The following ABHD12 variants were observed in gnomAD, a reference collection of about 807,000 sequenced individuals.
ABHD12 encodes abhydrolase domain containing 12, lysophospholipase.
In ABHD12, 43 loss-of-function variants were observed where a neutral mutation model predicts 58.3. The observed-to-expected ratio is 0.74, with a 90% CI of 0.58 to 0.95. The LOEUF (loss-of-function observed/expected upper bound fraction) is 0.95. Ranked by LOEUF, ABHD12 falls within the 40% of genes least tolerant of loss-of-function variation. The pLI is 0.00. For synonymous variants in ABHD12, 219 were observed against 211.2 expected, an observed-to-expected ratio of 1.04 and a Z score of -0.32; for missense variants, 539 against 537.2, an observed-to-expected ratio of 1.00 and a Z score of -0.03.
intron 6 of ABHD12, among the ~76,000 whole-genome samples, chr20:25,312,400 T>C (rs1280305051): frequency 6.6e-6 from 1 of 152,180 alleles, no homozygotes; most frequent in Non-Finnish European, 1.5e-5. Context: ...AGGCTGGTCT[T>C]CAGCTCCTAA....
chr20:25,309,966 A>G (rs2088818190), intron 6 of ABHD12, among the ~76,000 whole-genome samples: 1 of 152,222 alleles, frequency 6.6e-6, no homozygotes, highest in African/African-American at 2.4e-5. Flanking sequence ...CAGGGCTGGG[A>G]CTTGCCCCAC....
Position 25,390,805 on chromosome 20 carries a change from C to A in ABHD12, c.-102G>T. On this transcript the variant is annotated 5_prime_UTR_variant, in exon 1 of 13. Coordinates refer to ENST00000339157, the MANE Select transcript of ABHD12 (RefSeq NM_001042472.3). ...CCCAGAGCCCGGAGCCCGGAACCCG[C>A]CGCTCCTCACATCCCAGCCCAGGCC... 2.6e-6 allele frequency: 2 copies of A among 762,080 alleles called. No individual in the cohort carries two copies. The highest frequency in any genetic ancestry group is 3.5e-6 in the Non-Finnish European group (2 of 575,460). The allele number at this position is 762,080 out of a possible 1,614,324, so 47.2% of individuals were successfully genotyped here. A position where few individuals can be genotyped will look rare whatever the true frequency, so the allele number is the denominator to read the frequency against.
intron 6 of ABHD12, among the ~76,000 whole-genome samples, chr20:25,310,749 A>G (rs6115142): frequency 0.094 from 14,267 of 152,186 alleles, 727 homozygotes; most frequent in Non-Finnish European, 0.11. Context: ...GGACAGACAG[A>G]CAGGCACAGA....
At chr20:25,334,158 CCAA>C (rs1413933694) in intron 2 of ABHD12, among the ~76,000 whole-genome samples, 1 of 151,086 alleles carries the variant, frequency 6.6e-6, no homozygotes, top group African/African-American at 2.4e-5. Flanking sequence ...TTCTTATACA[CCAA>C]CAACAGACAG....
At chr20:25,331,531 A>C (rs2089276063) in intron 2 of ABHD12, among the ~76,000 whole-genome samples, 1 of 152,146 alleles carries the variant, frequency 6.6e-6, no homozygotes, top group African/African-American at 2.4e-5. Context: ...AAATGAAGGA[A>C]AAAATGTTAA....
intron 1 of ABHD12, among the ~76,000 whole-genome samples, chr20:25,343,361 G>C (rs970512576): frequency 3.3e-5 from 5 of 152,120 alleles, no homozygotes; most frequent in African/African-American, 9.7e-5. Context: ...TATAAGCTCA[G>C]CATTACCCTA....
intron 2 of ABHD12, among the ~76,000 whole-genome samples, chr20:25,338,696 T>C (rs1439091755): frequency 6.6e-6 from 1 of 152,204 alleles, no homozygotes; most frequent in African/African-American, 2.4e-5. Context: ...GTATCTGGAT[T>C]TTTTTAAGGG....
chr20:25,298,720 G>A (rs1009524797), downstream of ABHD12, among the ~76,000 whole-genome samples: 8 of 152,170 alleles, frequency 5.3e-5, no homozygotes, highest in Non-Finnish European at 7.3e-5. Flanking sequence ...CCAAAGCATC[G>A]CCCATCAATT....
chr20:25,302,143 G>A, intron 12 of ABHD12, 76 bp downstream of exon 12: 3 of 1,605,308 alleles, frequency 1.9e-6, no homozygotes, highest in Non-Finnish European at 2.6e-6. Flanking sequence ...AGCTTCAGCA[G>A]CTGCCACCTG....
At position 25,302,277 on chromosome 20, in the gene ABHD12, C is replaced by A. The variant is rs747382300; in HGVS notation, c.1099G>T (p.Asp367Tyr). ...FKVQFVPFHS[D>Y]LGYRHKYIYK... The stretch of plus-strand genomic sequence containing the variant: ...ATGTATTTGTGCCTGTAGCCAAGGT[C>A]TGAATGAAAGGGCACAAACTGAACT... The change falls in exon 12 of 13, where the codon GAC (aspartate) becomes TAC (tyrosine). Residue 367 changes from aspartate (D) to tyrosine (Y), a missense_variant. By Grantham distance (160) the Asp-to-Tyr change is radical. Coordinates refer to ENST00000339157, the MANE Select transcript of ABHD12 (RefSeq NM_001042472.3). 8.1e-6 allele frequency: 13 copies of A among 1,613,852 alleles called. No individual in the cohort carries two copies. Among genetic ancestry groups the A allele is most frequent in the Middle Eastern group, 1.7e-4 (1 of 5,824 alleles).
chr20:25,386,163 T>G (rs1600891287), intron 1 of ABHD12, among the ~76,000 whole-genome samples: 1 of 33,084 alleles, frequency 3.0e-5, no homozygotes, highest in African/African-American at 1.2e-4. Flanking sequence ...GTAAGAAACT[T>G]TTTACAAAGC....
intron 1 of ABHD12, 127 bp downstream of exon 1, chr20:25,390,386 G>T: frequency 3.1e-6 from 3 of 960,358 alleles, no homozygotes; most frequent in Non-Finnish European, 4.2e-6. Flanking sequence ...GCGGACGGGG[G>T]CGGCCGCGGA....
At chr20:25,294,898 CA>C in exon 13 of ABHD12, 1 of 1,541,328 alleles carries the variant, frequency 6.5e-7, no homozygotes, top group South Asian at 1.1e-5. Flanking sequence ...ACCTGCCCTC[CA>C]CTTTCAGCTG....
chr20:25,371,196 C>A (rs988654351), intron 1 of ABHD12, among the ~76,000 whole-genome samples: 1 of 152,164 alleles, frequency 6.6e-6, no homozygotes, highest in Non-Finnish European at 1.5e-5. Flanking sequence ...GGTTCCTACA[C>A]AAAAGGCCCC....
chr20:25,311,084 A>T (rs561071946), intron 6 of ABHD12, among the ~76,000 whole-genome samples: 11 of 152,282 alleles, frequency 7.2e-5, no homozygotes, highest in Admixed American at 3.9e-4. Flanking sequence ...TGTCATCCTG[A>T]TGGAACTTTC....
chr20:25,327,083 C>T (rs1473840865), intron 2 of ABHD12, among the ~76,000 whole-genome samples: 5 of 152,232 alleles, frequency 3.3e-5, no homozygotes, highest in African/African-American at 9.7e-5. Flanking sequence ...CACCTACCCC[C>T]ACTACACCCC....
At chr20:25,305,394 G>A (rs1254826960) in intron 10 of ABHD12, among the ~76,000 whole-genome samples, 3 of 138,716 alleles carry the variant, frequency 2.2e-5, no homozygotes, top group Admixed American at 7.5e-5. Flanking sequence ...ACGGAGTCTC[G>A]CTCTGTCGCC....
intron 10 of ABHD12, 40 bp from the exon 11 acceptor site, chr20:25,303,668 G>A (rs753688033): frequency 1.2e-6 from 2 of 1,611,398 alleles, no homozygotes; most frequent in Non-Finnish European, 1.7e-6. Context: ...ACCAGGGAAA[G>A]GGCAGAGTTG....
chr20:25,332,160 T>C (rs2089288108), intron 2 of ABHD12, among the ~76,000 whole-genome samples: 1 of 151,756 alleles, frequency 6.6e-6, no homozygotes, highest in African/African-American at 2.4e-5. Context: ...GCAATCCTAG[T>C]CTCTGATAAA....
Sources: allele counts gnomAD v4.1 joint callset (sites outside exome capture counted in the v4.1 genomes callset), GRCh38; gene constraint gnomAD v4.1.1; transcripts MANE v1.5; gene names NCBI Gene and HGNC (gene_info 2026-07-23, HGNC 2026-07-21).